The following NELL2 variants were observed in gnomAD, a reference collection of about 807,000 sequenced individuals.
NELL2 encodes the protein neural EGFL like 2.
In NELL2, 41 loss-of-function variants were observed where a neutral mutation model predicts 109.6. That is an observed-to-expected ratio of 0.37 (90% CI 0.29 to 0.49). NELL2 has a LOEUF of 0.49. Among genes scored for constraint, NELL2 ranks in the 20% least tolerant of loss-of-function variants. NELL2 has a pLI of 0.98. For missense variants in NELL2, 900 were observed against 1,008.3 expected (o/e 0.89, Z 1.45); for synonymous variants, 355 against 344.7 (o/e 1.03, Z -0.33).
intron 12 of NELL2, among the ~76,000 whole-genome samples, chr12:44,677,314 T>C (rs191017298): frequency 6.6e-6 from 1 of 152,106 alleles, no homozygotes; most frequent in Non-Finnish European, 1.5e-5. Flanking sequence ...TGAAGTTTTT[T>C]AAATTATTCT....
At chr12:44,657,212 T>C (rs1308999344) in intron 13 of NELL2, among the ~76,000 whole-genome samples, 2 of 152,164 alleles carry the variant, frequency 1.3e-5, no homozygotes, top group Non-Finnish European at 2.9e-5. Flanking sequence ...CACCACTCTT[T>C]CTTCATAATT....
chr12:44,547,442 C>G (rs1942845575), intron 15 of NELL2, among the ~76,000 whole-genome samples: 1 of 152,020 alleles, frequency 6.6e-6, no homozygotes, highest in Non-Finnish European at 1.5e-5. Context: ...GAGGTAGGAT[C>G]AAAATTATGA....
intron 5 of NELL2, 93 bp downstream of exon 5, chr12:44,779,565 CAAATT>C: frequency 1.1e-6 from 1 of 922,074 alleles, no homozygotes. Flanking sequence ...ATTTACAAAT[CAAATT>C]ATTTTGTTTC....
intron 2 of NELL2, among the ~76,000 whole-genome samples, chr12:44,821,553 C>T (rs1943543479): frequency 6.6e-6 from 1 of 152,198 alleles, no homozygotes; most frequent in Non-Finnish European, 1.5e-5. Context: ...AATTGGCATT[C>T]CTGCCTTATA....
chr12:44,594,889 G>T (rs1472444401), intron 15 of NELL2, among the ~76,000 whole-genome samples: 1 of 152,018 alleles, frequency 6.6e-6, no homozygotes, highest in Non-Finnish European at 1.5e-5. Flanking sequence ...AGTACCTTCT[G>T]GTTTGTAATT....
chr12:44,677,324 T>G (rs961876633), intron 12 of NELL2, among the ~76,000 whole-genome samples: 1 of 152,136 alleles, frequency 6.6e-6, no homozygotes, highest in African/African-American at 2.4e-5. Flanking sequence ...TAAATTATTC[T>G]AAAACATGTC....
At chr12:44,535,842 A>T (rs529701390) in intron 15 of NELL2, among the ~76,000 whole-genome samples, 5 of 151,958 alleles carry the variant, frequency 3.3e-5, no homozygotes, top group Non-Finnish European at 7.4e-5. Context: ...AATATAGGGT[A>T]ATTATTCATC....
chr12:44,818,480 C>T (rs892220163), intron 2 of NELL2, among the ~76,000 whole-genome samples: 19 of 151,988 alleles, frequency 1.3e-4, no homozygotes, highest in Non-Finnish European at 2.4e-4. Flanking sequence ...TGCTCAGATC[C>T]GCAGAGAGGT....
At chr12:44,737,358 C>T (rs551594900) in intron 9 of NELL2, among the ~76,000 whole-genome samples, 5 of 151,494 alleles carry the variant, frequency 3.3e-5, no homozygotes, top group Non-Finnish European at 7.4e-5. Flanking sequence ...CAATCAATAA[C>T]TTTTTTATAA....
intron 15 of NELL2, among the ~76,000 whole-genome samples, chr12:44,559,487 T>G (rs1328975640): frequency 6.6e-6 from 1 of 152,146 alleles, no homozygotes; most frequent in Non-Finnish European, 1.5e-5. Flanking sequence ...GAGGAATATT[T>G]ACCAAACAAA....
At chr12:44,805,025 A>C (rs573159042) in intron 3 of NELL2, among the ~76,000 whole-genome samples, 172 of 151,998 alleles carry the variant, frequency 1.1e-3, no homozygotes, top group Non-Finnish European at 1.9e-3. Flanking sequence ...AACCCATCAC[A>C]GTAGCAGTAC....
chr12:44,774,311 C>A (rs1941665017), intron 9 of NELL2, among the ~76,000 whole-genome samples: 1 of 152,314 alleles, frequency 6.6e-6, no homozygotes, highest in African/African-American at 2.4e-5. Context: ...CTACACTGGA[C>A]AATCCTATAA....
chr12:44,801,288 TAAA>T (rs1384509456), intron 3 of NELL2, among the ~76,000 whole-genome samples: 1 of 152,106 alleles, frequency 6.6e-6, no homozygotes, highest in Non-Finnish European at 1.5e-5. Flanking sequence ...GCTGCTGAAA[TAAA>T]GAAGTAAATT....
At chr12:44,706,294 C>G (rs114973469) in intron 11 of NELL2, among the ~76,000 whole-genome samples, 112 of 152,202 alleles carry the variant, frequency 7.4e-4, no homozygotes, top group Middle Eastern at 6.8e-3. Flanking sequence ...GTTGATTGAA[C>G]CTACTGGTTA....
At chr12:44,621,386 T>C (rs934688885) in intron 13 of NELL2, among the ~76,000 whole-genome samples, 1 of 152,152 alleles carries the variant, frequency 6.6e-6, no homozygotes, top group Non-Finnish European at 1.5e-5. Context: ...TCAGCTCAAA[T>C]CCTGGCTCTT....
At chr12:44,821,250 G>C (rs571330208) in intron 2 of NELL2, among the ~76,000 whole-genome samples, 2 of 152,120 alleles carry the variant, frequency 1.3e-5, no homozygotes, top group African/African-American at 4.8e-5. Context: ...AACAGCCATG[G>C]AACATTTCCA....
At chr12:44,563,508 C>T (rs892288230) in intron 15 of NELL2, among the ~76,000 whole-genome samples, 1 of 152,050 alleles carries the variant, frequency 6.6e-6, no homozygotes, top group South Asian at 2.1e-4. Flanking sequence ...CATCATTCAT[C>T]CATAGTTTTT....
chr12:44,514,771 C>T (rs1304015588), intron 19 of NELL2, among the ~76,000 whole-genome samples: 1 of 151,128 alleles, frequency 6.6e-6, no homozygotes, highest in Non-Finnish European at 1.5e-5. Flanking sequence ...AGACATAAAA[C>T]TTATTAAAGC....
Position 44,521,888 on chromosome 12 carries a change from C to T in NELL2, c.2175+112G>A, listed in dbSNP as rs752518194. ...TCCTAACCAGGCTCACTGTTTATAA[C>T]TGTCAACACTGTGGCCTGGTGCTAG... On this transcript the variant is annotated intron_variant, in intron 18 of 19. Transcript: ENST00000429094. 38 of 1,021,088 alleles carry T rather than the reference C, an allele frequency of 3.7e-5. No individual in the cohort carries two copies. In the Middle Eastern group the frequency reaches 9.0e-4, roughly 24 times the overall value. The allele number at this position is 1,021,088 out of a possible 1,614,324, so 63.3% of individuals were successfully genotyped here. A position where few individuals can be genotyped will look rare whatever the true frequency, so the allele number is the denominator to read the frequency against.
Sources: allele counts gnomAD v4.1 joint callset (sites outside exome capture counted in the v4.1 genomes callset), GRCh38; gene constraint gnomAD v4.1.1; transcripts MANE v1.5; gene names NCBI Gene and HGNC (gene_info 2026-07-23, HGNC 2026-07-21).